PLCB1: variants seen among roughly 807,000 people sequenced by gnomAD.
PLCB1 encodes the protein 1-phosphatidylinositol 4,5-bisphosphate phosphodiesterase beta-1.
A neutral mutation model predicts 161.8 loss-of-function variants in PLCB1; 46 were observed. The observed-to-expected ratio is 0.28, with a 90% CI of 0.22 to 0.36. The LOEUF is 0.36. Among genes scored for constraint, PLCB1 ranks in the 10% least tolerant of loss-of-function variants. The pLI is 1.00. For synonymous variants in PLCB1, 517 were observed against 503.7 expected (o/e 1.03, Z -0.35); for missense variants, 1,016 against 1,472.5 (o/e 0.69, Z 5.07).
chr20:8,280,420 G>T (rs960373056), intron 2 of PLCB1, among the ~76,000 whole-genome samples: 1 of 152,078 alleles, frequency 6.6e-6, no homozygotes, highest in Non-Finnish European at 1.5e-5. Context: ...CATGGTGTGG[G>T]CATGATTCTC....
intron 2 of PLCB1, among the ~76,000 whole-genome samples, chr20:8,340,033 A>G (rs559687544): frequency 1.3e-5 from 2 of 152,364 alleles, no homozygotes; most frequent in South Asian, 4.1e-4. Context: ...CTCAGCACAT[A>G]GCATGTGCTC....
chr20:8,756,352 T>C (rs1981736971), intron 23 of PLCB1, among the ~76,000 whole-genome samples: 1 of 152,198 alleles, frequency 6.6e-6, no homozygotes, highest in South Asian at 2.1e-4. Context: ...TGCTGGTAAA[T>C]TGCAGGGCCA....
chr20:8,189,414 T>C (rs1017597428), intron 2 of PLCB1, among the ~76,000 whole-genome samples: 4 of 151,284 alleles, frequency 2.6e-5, no homozygotes, highest in Admixed American at 6.6e-5. Flanking sequence ...TAAATGAACA[T>C]GATGTAGGGT....
At chr20:8,846,194 A>C (rs2146296139) in intron 31 of PLCB1, among the ~76,000 whole-genome samples, 1 of 152,310 alleles carries the variant, frequency 6.6e-6, no homozygotes. Context: ...AGCAGGAAGA[A>C]GAGAATAAAG....
intron 2 of PLCB1, among the ~76,000 whole-genome samples, chr20:8,180,412 T>C (rs2051829191): frequency 6.6e-6 from 1 of 152,188 alleles, no homozygotes; most frequent in African/African-American, 2.4e-5. Flanking sequence ...GCCTGAAGTT[T>C]TCCTTTTTTA....
At chr20:8,671,790 A>T (rs1989951447) in intron 9 of PLCB1, among the ~76,000 whole-genome samples, 1 of 152,182 alleles carries the variant, frequency 6.6e-6, no homozygotes, top group Admixed American at 6.5e-5. Context: ...TTATGTGGAT[A>T]AGCACCATCA....
At chr20:8,794,758 C>A (rs1049471806) in intron 31 of PLCB1, among the ~76,000 whole-genome samples, 2 of 152,042 alleles carry the variant, frequency 1.3e-5, no homozygotes, top group African/African-American at 4.8e-5. Flanking sequence ...CTTAGAAAAT[C>A]ATATCAATAT....
At chr20:8,677,078 G>T (rs576567647) in intron 9 of PLCB1, among the ~76,000 whole-genome samples, 76 of 152,306 alleles carry the variant, frequency 5.0e-4, no homozygotes, top group Admixed American at 4.9e-3. Context: ...TTAGATGGAA[G>T]ATTGGAGAGA....
At chr20:8,767,501 G>A (rs530439594) in intron 26 of PLCB1, among the ~76,000 whole-genome samples, 1 of 152,232 alleles carries the variant, frequency 6.6e-6, no homozygotes, top group South Asian at 2.1e-4. Context: ...GATTCTCTGG[G>A]CTCAGGGCCC....
intron 31 of PLCB1, among the ~76,000 whole-genome samples, chr20:8,852,051 A>C (rs1986907312): frequency 6.6e-6 from 1 of 152,246 alleles, no homozygotes; most frequent in South Asian, 2.1e-4. Context: ...AGCCAGATGC[A>C]AAGAACTATA....
At chr20:8,699,291 G>C (rs958909154) in intron 11 of PLCB1, among the ~76,000 whole-genome samples, 1 of 152,178 alleles carries the variant, frequency 6.6e-6, no homozygotes, top group Non-Finnish European at 1.5e-5. Flanking sequence ...GTGGAGACAA[G>C]GCCATTGAAC....
intron 2 of PLCB1, among the ~76,000 whole-genome samples, chr20:8,157,409 A>G (rs1189970985): frequency 6.6e-6 from 1 of 152,212 alleles, no homozygotes; most frequent in African/African-American, 2.4e-5. Context: ...CTTCCTCCCT[A>G]CTGACCAAGA....
chr20:8,456,503 T>A (rs1040781007), intron 3 of PLCB1, among the ~76,000 whole-genome samples: 1 of 152,058 alleles, frequency 6.6e-6, no homozygotes. Flanking sequence ...AAGAAATAGG[T>A]TGGTCTTTTA....
chr20:8,497,451 A>C (rs1983227307), intron 3 of PLCB1, among the ~76,000 whole-genome samples: 1 of 152,174 alleles, frequency 6.6e-6, no homozygotes, highest in African/African-American at 2.4e-5. Context: ...GCAATTATTA[A>C]ATATGTTTCG....
chr20:8,835,623 G>A (rs926297024), intron 31 of PLCB1, among the ~76,000 whole-genome samples: 4 of 152,056 alleles, frequency 2.6e-5, no homozygotes, highest in Non-Finnish European at 4.4e-5. Flanking sequence ...GGACTCTTGA[G>A]TAGGGCTGTC....
chr20:8,686,285 T>C (rs902304382), intron 10 of PLCB1, among the ~76,000 whole-genome samples: 1 of 152,292 alleles, frequency 6.6e-6, no homozygotes, highest in African/African-American at 2.4e-5. Context: ...TTCAAAGAAG[T>C]ATAATTTTTA....
intron 3 of PLCB1, among the ~76,000 whole-genome samples, chr20:8,465,898 T>C (rs1265503671): frequency 1.3e-5 from 2 of 150,786 alleles, no homozygotes; most frequent in African/African-American, 4.9e-5. Context: ...AGTTCAACCG[T>C]TGTGGAAGTC....
chr20:8,313,026 A>C (rs1348006332), intron 2 of PLCB1, among the ~76,000 whole-genome samples: 1 of 152,228 alleles, frequency 6.6e-6, no homozygotes, highest in Non-Finnish European at 1.5e-5. Flanking sequence ...GTGAAAGGAA[A>C]GGAAAATAAG....
At chr20:8,211,443 T>C (rs1446012087) in intron 2 of PLCB1, among the ~76,000 whole-genome samples, 1 of 152,120 alleles carries the variant, frequency 6.6e-6, no homozygotes, top group African/African-American at 2.4e-5. Context: ...TTTTAGACCA[T>C]TTACATGGAA....
Sources: gnomAD v4.1 joint callset for allele counts (sites outside exome capture counted in the v4.1 genomes callset) on GRCh38, gnomAD v4.1.1 for gene constraint, MANE v1.5 for transcripts, NCBI Gene and HGNC (gene_info 2026-07-23, HGNC 2026-07-21) for gene names.